PCDHGA6: variants seen among roughly 807,000 people sequenced by gnomAD.
The protein encoded by PCDHGA6 is protocadherin gamma subfamily A, 6.
PCDHGA6 carries 41 observed loss-of-function variants against 60.6 expected under a neutral mutation model. That is an observed-to-expected ratio of 0.68 (90% confidence interval 0.53 to 0.88). PCDHGA6 has a LOEUF of 0.88. PCDHGA6 is among the 40% of genes least tolerant of loss of function. PCDHGA6 has a pLI of 0.00. For missense variants in PCDHGA6, 1,312 were observed against 1,203.0 expected (o/e 1.09, Z -1.34); for synonymous variants, 594 against 524.4 (o/e 1.13, Z -1.81).
Position 141,490,252 on chromosome 5 carries a change from G to A in PCDHGA6, c.2425-4555G>A, listed in dbSNP as rs150107963. The A allele has an allele frequency of 1.9e-6, 3 of 1,614,252 alleles. No homozygotes were observed. Among genetic ancestry groups the A allele is most frequent in the Non-Finnish European group, 1.7e-6 (2 of 1,180,046 alleles). The stretch of plus-strand genomic sequence containing the variant: ...CATGGAGGGCCACTGTGTGATTCAA[G>A]TGGATGTGGGGGATGTCAATGACAA... On this transcript the variant is annotated intron_variant, in intron 1 of 3. Coordinates refer to ENST00000517434, the MANE Select transcript of PCDHGA6 (RefSeq NM_018919.3). This position sits in a 1 kb window ranked among gnomAD's most constrained non-coding sequence, Gnocchi z 5.4.
intron 1 of PCDHGA6, chr5:141,389,275 C>T (rs976237601): frequency 7.4e-6 from 12 of 1,614,004 alleles, no homozygotes; most frequent in Admixed American, 1.7e-5. Context: ...GAGAACAACC[C>T]GCCTGGAGCC....
rs1561858566 is a variant in PCDHGA6 at position 141,432,177 on chromosome 5, C to G, written c.2424+55670C>G. ...AATCCCAGAGGAGTTTCCCTCGTCTCTGTGACCGCCCACGACCCCGACTGT... is the reference window on the plus strand; with the variant it reads ...AATCCCAGAGGAGTTTCCCTCGTCTGTGTGACCGCCCACGACCCCGACTGT... On this transcript the variant is annotated intron_variant, in intron 1 of 3. Transcript: ENST00000517434. This position sits in a 1 kb window ranked among gnomAD's most constrained non-coding sequence, Gnocchi z 6.0. The G allele has an allele frequency of 6.2e-7, 1 of 1,614,220 alleles. No homozygotes were observed. Among genetic ancestry groups the G allele is most frequent in the Admixed American group, 1.7e-5 (1 of 60,032 alleles).
chr5:141,385,638 T>C lies in PCDHGA6; in HGVS notation c.2424+9131T>C, dbSNP rs773812795. 80 of 831,646 alleles carry C rather than the reference T, an allele frequency of 9.6e-5. 1 individual carries two copies. Among genetic ancestry groups the C allele is most frequent in the Non-Finnish European group, 1.2e-4 (78 of 652,914 alleles). 51.5% of individuals were successfully genotyped at this position (831,646 alleles called of 1,614,324 possible). A position where few individuals can be genotyped will look rare whatever the true frequency, so the allele number is the denominator to read the frequency against. ...TATACATTGGAATGAATCGAGTCTT[T>C]CATATTGCACAAGGTTAGCAGGAAT... is the stretch of plus-strand genomic sequence containing the variant. On this transcript the variant is annotated intron_variant, in intron 1 of 3. Transcript: ENST00000517434.
chr5:141,463,590 A>G (rs975534405), intron 1 of PCDHGA6, among the ~76,000 whole-genome samples: 3 of 151,848 alleles, frequency 2.0e-5, no homozygotes, highest in African/African-American at 7.3e-5. Flanking sequence ...CTGGGACTAC[A>G]GGTGCCTGCC....
At chr5:141,419,939 G>GTGGCCT (rs780963377) in intron 1 of PCDHGA6, 3 of 1,614,054 alleles carry the variant, frequency 1.9e-6, no homozygotes, top group Admixed American at 1.7e-5. Flanking sequence ...TTACCTGGTG[G>GTGGCCT]TGGCCTTGGC....
chr5:141,428,609 A>G, intron 1 of PCDHGA6: 1 of 215,052 alleles, frequency 4.7e-6, no homozygotes, highest in South Asian at 7.9e-5. Context: ...ACTGAAGAGA[A>G]TAACAAGATA....
At chr5:141,460,864 A>C (rs1220160866) in intron 1 of PCDHGA6, among the ~76,000 whole-genome samples, 1 of 151,800 alleles carries the variant, frequency 6.6e-6, no homozygotes, top group East Asian at 1.9e-4. Flanking sequence ...AAGTTGCTGC[A>C]AAGGACATTA....
Position 141,491,454 on chromosome 5 carries a change from C to T in PCDHGA6, c.2425-3353C>T. The T allele has an allele frequency of 1.9e-6, 3 of 1,614,120 alleles. No individual in the cohort carries two copies. The highest frequency in any genetic ancestry group is 2.5e-6 in the Non-Finnish European group (3 of 1,180,032). On this transcript the variant is annotated intron_variant, in intron 1 of 3. Coordinates refer to ENST00000517434, the MANE Select transcript of PCDHGA6 (RefSeq NM_018919.3). This position sits in a 1 kb window ranked among gnomAD's most constrained non-coding sequence, Gnocchi z 6.9. ...GCTGCAGGCGCCAGGACTCACCCTCCCCGGACTTCTATAAGCAGTCCAGCC... is the reference window on the plus strand; with the variant it reads ...GCTGCAGGCGCCAGGACTCACCCTCTCCGGACTTCTATAAGCAGTCCAGCC...
chr5:141,394,613 G>A (rs1402834373), intron 1 of PCDHGA6: 1 of 1,613,570 alleles, frequency 6.2e-7, no homozygotes, highest in Admixed American at 1.7e-5. Context: ...ACTCGGGCCA[G>A]AACGCCTGGC....
chr5:141,503,471 C>A (rs2099820129), intron 2 of PCDHGA6, among the ~76,000 whole-genome samples: 1 of 151,836 alleles, frequency 6.6e-6, no homozygotes, highest in African/African-American at 2.4e-5. Context: ...GGCATGTGTG[C>A]ACTTGTCGTC....
intron 1 of PCDHGA6, chr5:141,433,358 CCTAT>C (rs3074541): frequency 0.23 from 113,181 of 502,952 alleles, 11,570 homozygotes; most frequent in Non-Finnish European, 0.24. Flanking sequence ...CTACTGTCTG[CCTAT>C]CTATCTATCT....
intron 1 of PCDHGA6, chr5:141,421,588 G>A: frequency 1.2e-6 from 2 of 1,613,910 alleles, no homozygotes; most frequent in Non-Finnish European, 8.5e-7. Context: ...TTACGGAGTG[G>A]AGGTGGAAAT....
At chr5:141,502,398 C>T (rs1303456458) in intron 2 of PCDHGA6, among the ~76,000 whole-genome samples, 1 of 151,688 alleles carries the variant, frequency 6.6e-6, no homozygotes, top group Non-Finnish European at 1.5e-5. Flanking sequence ...TTAAAATGTC[C>T]CCGAACCTGG....
rs1273620361 is a variant in PCDHGA6, at chr5:141,486,809, A to G, written c.2425-7998A>G. 1 of 1,614,106 alleles carries G rather than the reference A, an allele frequency of 6.2e-7. No homozygotes were observed. The highest frequency in any genetic ancestry group is 1.3e-5 in the African/African-American group (1 of 74,936). On this transcript the variant is annotated intron_variant, in intron 1 of 3. Coordinates refer to ENST00000517434, the MANE Select transcript of PCDHGA6 (RefSeq NM_018919.3). This position sits in a 1 kb window ranked among gnomAD's most constrained non-coding sequence, Gnocchi z 5.0. ...CCGGGATCGGGGCAACCCACCCCTT[A>G]GCAGCACTGTAACAGTTCGTCTATT...
intron 1 of PCDHGA6, chr5:141,419,399 G>T (rs893535249): frequency 6.2e-7 from 1 of 1,613,470 alleles, no homozygotes. Context: ...GAGCGGGGTG[G>T]TGTTCGCGCA....
intron 2 of PCDHGA6, among the ~76,000 whole-genome samples, chr5:141,501,290 T>TAC (rs55762287): frequency 0.12 from 16,682 of 135,960 alleles, 995 homozygotes; most frequent in African/African-American, 0.18. Flanking sequence ...TATTCCCTTA[T>TAC]ACACACACAC....
rs772132262 is a variant in PCDHGA6 at position 141,375,075 on chromosome 5, C to T, written c.992C>T (p.Ala331Val). The T allele has an allele frequency of 6.2e-6, 10 of 1,613,926 alleles. No homozygotes were observed. Among genetic ancestry groups the T allele is most frequent in the East Asian group, 4.5e-5 (2 of 44,872 alleles). The change falls in exon 1 of 4, where the codon GCG becomes GTG. Residue 331 changes from alanine to valine, a missense_variant. Physicochemically the swap from Ala to Val is moderately conservative, Grantham distance 64. Coordinates refer to ENST00000517434, the MANE Select transcript of PCDHGA6 (RefSeq NM_018919.3). Reference sequence around the variant, plus strand: ...GATGGGCCAGGTCTTCGAGACAGAGCGAAAGTCTTAATAACTATCTTGGAT... The same window carrying T: ...GATGGGCCAGGTCTTCGAGACAGAGTGAAAGTCTTAATAACTATCTTGGAT... Reference protein sequence around the residue: ...ARDGPGLRDRAKVLITILDVN... With the variant: ...ARDGPGLRDRVKVLITILDVN...
In PCDHGA6 at chr5:141,435,388, G is replaced by T. The variant is rs186494703; in HGVS notation, c.2424+58881G>T. Among the ~76,000 whole-genome samples, 241 of 152,094 alleles carry T rather than the reference G, an allele frequency of 1.6e-3. 5 individuals carry two copies. Among genetic ancestry groups the T allele is most frequent in the Non-Finnish European group, 2.1e-4 (14 of 67,992 alleles). The stretch of plus-strand genomic sequence containing the variant: ...ACTTAAATATACAATATACCGTATT[G>T]CCATGACGAAAAATGGTAAAGACTA... On this transcript the variant is annotated intron_variant, in intron 1 of 3. Transcript: ENST00000517434.
intron 1 of PCDHGA6, among the ~76,000 whole-genome samples, chr5:141,381,361 G>T (rs1050283609): frequency 2.0e-5 from 3 of 152,198 alleles, no homozygotes; most frequent in Non-Finnish European, 4.4e-5. Context: ...CTAGCAGAGG[G>T]TAGCCTCGGA....
Sources: gnomAD v4.1 joint callset for allele counts (sites outside exome capture counted in the v4.1 genomes callset) on GRCh38, gnomAD v4.1.1 for gene constraint, Gnocchi (gnomAD v3.1) non-coding constraint, MANE v1.5 for transcripts, NCBI Gene and HGNC (gene_info 2026-07-23, HGNC 2026-07-21) for gene names.